Variants in CCDC12 observed in about 807,000 individuals in gnomAD.
CCDC12 encodes coiled-coil domain-containing protein 12.
A neutral mutation model predicts 25.7 loss-of-function variants in CCDC12; 28 were observed. The ratio of observed to expected loss-of-function variants is 1.09; its 90% CI spans 0.81 to 1.50. CCDC12 has a LOEUF of 1.50. CCDC12 is among the 40% of genes most tolerant of loss of function. The pLI is 0.00. For synonymous variants in CCDC12, 75 were observed against 87.7 expected (o/e 0.86, Z 0.81); for missense variants, 198 against 210.0 (o/e 0.94, Z 0.35).
intron 1 of CCDC12, among the ~76,000 whole-genome samples, chr3:46,975,326 A>G (rs2034933103): frequency 1.3e-5 from 2 of 151,202 alleles, no homozygotes; most frequent in South Asian, 4.2e-4. Flanking sequence ...CTGGGATTAC[A>G]GGTGCCTGCC....
intron 1 of CCDC12, among the ~76,000 whole-genome samples, chr3:46,962,954 AGAG>A (rs1171930945): frequency 1.3e-5 from 2 of 152,228 alleles, no homozygotes; most frequent in Non-Finnish European, 2.9e-5. Flanking sequence ...CTGAAAATCC[AGAG>A]GAGAATGGAT....
At chr3:46,962,170 T>G (rs4378998) in intron 1 of CCDC12, among the ~76,000 whole-genome samples, 2 of 151,990 alleles carry the variant, frequency 1.3e-5, no homozygotes, top group African/African-American at 4.8e-5. Context: ...GAGGCGGCTC[T>G]CGTCTGTAAT....
At chr3:46,925,290 G>A (rs756371077) in intron 3 of CCDC12, 166 bp downstream of exon 3, 5 of 721,436 alleles carry the variant, frequency 6.9e-6, no homozygotes, top group African/African-American at 3.5e-5. Context: ...TGCTGCTGCC[G>A]AAGGCCGACT....
At chr3:46,925,592 C>A in intron 2 of CCDC12, 57 bp from the exon 3 acceptor site, 1 of 1,345,378 alleles carries the variant, frequency 7.4e-7, no homozygotes, top group South Asian at 1.4e-5. Context: ...TGGTCTCATT[C>A]ATTCATTCAT....
At position 46,923,624 on chromosome 3, in the gene CCDC12, G is replaced by A; in HGVS notation, c.289C>T (p.Pro97Ser). The change falls in exon 4 of 7, where the codon CCC (proline) becomes TCC (serine). Residue 97 changes from proline to serine, a missense_variant. Pro to Ser is a moderately conservative substitution (Grantham distance 74). Transcript: ENST00000683445. ...GCACTCACCACCTCCTCGATGACGG[G>A]CTCGGGCTTGGCGGCCTCCAGCTGC... ...KEQLEAAKPE[P>S]VIEEVDLANL... 6.3e-7 allele frequency: 1 copy of A among 1,594,240 alleles called. No individual in the cohort carries two copies. Among genetic ancestry groups the A allele is most frequent in the East Asian group, 2.3e-5 (1 of 44,102 alleles).
upstream of CCDC12, among the ~76,000 whole-genome samples, chr3:46,978,962 GAC>G (rs2035113672): frequency 6.6e-6 from 1 of 152,142 alleles, no homozygotes. Context: ...CAGCCTGGGC[GAC>G]AGAGTGAGAC....
chr3:46,981,531 A>T (rs2035340128), upstream of CCDC12, among the ~76,000 whole-genome samples: 1 of 152,220 alleles, frequency 6.6e-6, no homozygotes, highest in Non-Finnish European at 1.5e-5. Flanking sequence ...TAGCTGGTCC[A>T]GACCAGAGAA....
rs753062884 is a variant in CCDC12, at chr3:46,922,261, A to G, written c.393T>C (p.Thr131=). 1.9e-6 allele frequency: 3 copies of G among 1,614,086 alleles called. No homozygotes were observed. Among genetic ancestry groups the G allele is most frequent in the Admixed American group, 1.7e-5 (1 of 60,008 alleles). Residue 131 remains threonine, a synonymous_variant, in exon 6 of 7, where the codon ACT becomes ACC. Coordinates refer to ENST00000683445, the MANE Select transcript of CCDC12 (RefSeq NM_001277074.2). ...GGATCAGCTCGGCAATGGCCCTCTG[A>G]GTCCGCTTTTTTAGTTTCTCCAGCT... is the stretch of plus-strand genomic sequence containing the variant. ...AKKLEKLKKR[T]QRAIAELIRE...
At chr3:46,934,659 C>A (rs1179782608) in intron 2 of CCDC12, among the ~76,000 whole-genome samples, 1 of 152,194 alleles carries the variant, frequency 6.6e-6, no homozygotes. Flanking sequence ...CATGGTGAGT[C>A]GGCTTCACCA....
intron 1 of CCDC12, among the ~76,000 whole-genome samples, chr3:46,958,883 C>T (rs539163364): frequency 2.0e-5 from 3 of 152,266 alleles, no homozygotes; most frequent in African/African-American, 7.2e-5. Flanking sequence ...ATGAAATATA[C>T]CAGACCCCAG....
At chr3:46,922,580 T>G in intron 5 of CCDC12, 2 of 535,888 alleles carry the variant, frequency 3.7e-6, no homozygotes, top group African/African-American at 1.9e-5. Context: ...GGATGGTTTC[T>G]CAGAGACCCT....
At chr3:46,959,992 A>G (rs2034414728) in intron 1 of CCDC12, among the ~76,000 whole-genome samples, 1 of 152,152 alleles carries the variant, frequency 6.6e-6, no homozygotes, top group African/African-American at 2.4e-5. Flanking sequence ...GGGTATGTAT[A>G]TCGATACTGG....
chr3:46,975,841 ATTTTTTTTTT>A, intron 1 of CCDC12, among the ~76,000 whole-genome samples: 1 of 70,376 alleles, frequency 1.4e-5, no homozygotes, highest in East Asian at 4.0e-4. Flanking sequence ...TTTATTTTCG[ATTTTTTTTTT>A]TTTTTTTTTT....
chr3:46,975,710 T>G (rs2034955643), intron 1 of CCDC12, among the ~76,000 whole-genome samples: 1 of 151,370 alleles, frequency 6.6e-6, no homozygotes, highest in African/African-American at 2.4e-5. Flanking sequence ...TTTTTGTATT[T>G]TTAGTAGAGA....
At chr3:46,951,435 C>A (rs953030565) in intron 1 of CCDC12, among the ~76,000 whole-genome samples, 1 of 151,894 alleles carries the variant, frequency 6.6e-6, no homozygotes, top group Admixed American at 6.5e-5. Flanking sequence ...AGAAACATCA[C>A]GTTGTACACC....
chr3:46,941,958 G>A (rs577239041), intron 1 of CCDC12, among the ~76,000 whole-genome samples: 1 of 152,344 alleles, frequency 6.6e-6, no homozygotes, highest in East Asian at 1.9e-4. Context: ...GAGGCAAGGG[G>A]AATTAGTCTG....
intron 1 of CCDC12, among the ~76,000 whole-genome samples, chr3:46,950,641 C>A (rs1309868519): frequency 6.6e-6 from 1 of 152,262 alleles, no homozygotes; most frequent in South Asian, 2.1e-4. Context: ...TAACAACATT[C>A]ATGTGAATGG....
intron 1 of CCDC12, among the ~76,000 whole-genome samples, chr3:46,972,385 T>C (rs1395939980): frequency 2.6e-5 from 4 of 152,176 alleles, no homozygotes. Flanking sequence ...ATATCACTAA[T>C]CTCATCTCTA....
chr3:46,958,374 T>C (rs1279684219), intron 1 of CCDC12, among the ~76,000 whole-genome samples: 2 of 152,192 alleles, frequency 1.3e-5, no homozygotes, highest in Admixed American at 1.3e-4. Flanking sequence ...TTTAAGTCTT[T>C]AGATGAATGC....
Sources: allele counts gnomAD v4.1 joint callset (sites outside exome capture counted in the v4.1 genomes callset), GRCh38; gene constraint gnomAD v4.1.1; transcripts MANE v1.5; gene names NCBI Gene and HGNC (gene_info 2026-07-23, HGNC 2026-07-21).